The following TMPRSS15 variants were observed in gnomAD, a reference collection of about 807,000 sequenced individuals.
TMPRSS15 encodes the protein transmembrane serine protease 15.
In TMPRSS15, 128 loss-of-function variants were observed where a neutral mutation model predicts 125.3. That is an observed-to-expected ratio of 1.02 (90% CI 0.89 to 1.18). The LOEUF (loss-of-function observed/expected upper bound fraction) is 1.18, where lower values mean the gene tolerates loss of function less well. Among genes scored for constraint, TMPRSS15 ranks in the 50% most tolerant of loss-of-function variants. The pLI, the probability that TMPRSS15 is intolerant of heterozygous loss-of-function variation, is 0.00. For missense variants in TMPRSS15, 1,283 were observed against 1,212.7 expected, an observed-to-expected ratio of 1.06 and a Z score of -0.86; for synonymous variants, 446 against 423.2, an observed-to-expected ratio of 1.05 and a Z score of -0.66.
intron 1 of TMPRSS15, among the ~76,000 whole-genome samples, chr21:18,456,760 G>A (rs561683567): frequency 2.0e-5 from 3 of 151,990 alleles, no homozygotes; most frequent in African/African-American, 7.2e-5. Flanking sequence ...GCATACACTT[G>A]GAATAAATGT....
At position 18,394,666 on chromosome 21, in the gene TMPRSS15, C is replaced by T. The variant is rs576667923; in HGVS notation, c.344+3213G>A. On this transcript the variant is annotated intron_variant, in intron 3 of 24. Coordinates refer to ENST00000284885, the MANE Select transcript of TMPRSS15 (RefSeq NM_002772.3). ...GATACTGTAGACTCTACCTCATTTTCAGCTTGCCTCCAGTTTTTACTAAAA... is the reference window on the plus strand; with the variant it reads ...GATACTGTAGACTCTACCTCATTTTTAGCTTGCCTCCAGTTTTTACTAAAA... Among the ~76,000 whole-genome samples the T allele has an allele frequency of 2.5e-4, 38 of 151,272 alleles. No homozygotes were observed. The South Asian group carries it at 7.3e-3, about 29-fold the overall frequency.
At chr21:18,282,583 T>A (rs1158699206) in intron 21 of TMPRSS15, among the ~76,000 whole-genome samples, 1 of 152,182 alleles carries the variant, frequency 6.6e-6, no homozygotes, top group Non-Finnish European at 1.5e-5. Context: ...GTAAAGCCAG[T>A]GAGCGTCCAA....
intron 1 of TMPRSS15, among the ~76,000 whole-genome samples, chr21:18,484,606 T>C (rs1405538355): frequency 6.6e-6 from 1 of 151,860 alleles, no homozygotes; most frequent in Non-Finnish European, 1.5e-5. Context: ...AGCATACTTT[T>C]ATATATGTAG....
chr21:18,393,857 T>C (rs1223778075), intron 3 of TMPRSS15, among the ~76,000 whole-genome samples: 1 of 152,144 alleles, frequency 6.6e-6, no homozygotes, highest in Non-Finnish European at 1.5e-5. Flanking sequence ...AGAAAACCAG[T>C]TCTAAATATA....
chr21:18,342,598 T>C (rs947753622), intron 12 of TMPRSS15, among the ~76,000 whole-genome samples: 1 of 152,124 alleles, frequency 6.6e-6, no homozygotes, highest in Non-Finnish European at 1.5e-5. Flanking sequence ...AATACTGACT[T>C]CCCCTTCTGC....
chr21:18,373,836 G>A (rs1318297452), intron 5 of TMPRSS15, among the ~76,000 whole-genome samples: 1 of 152,150 alleles, frequency 6.6e-6, no homozygotes, highest in Non-Finnish European at 1.5e-5. Context: ...GGACTTGACT[G>A]ATCTCATGAT....
intron 13 of TMPRSS15, among the ~76,000 whole-genome samples, chr21:18,334,031 T>G (rs182551873): frequency 3.0e-4 from 45 of 152,310 alleles, no homozygotes; most frequent in African/African-American, 1.0e-3. Flanking sequence ...TTACCCCCAA[T>G]AAACTAGAAA....
At chr21:18,453,461 C>A (rs1275272840) in intron 1 of TMPRSS15, among the ~76,000 whole-genome samples, 2 of 152,158 alleles carry the variant, frequency 1.3e-5, no homozygotes, top group Non-Finnish European at 2.9e-5. Context: ...TTAAGGCTTG[C>A]CTGATTATGG....
Position 18,326,501 on chromosome 21 carries a change from T to C in TMPRSS15, c.1852A>G (p.Thr618Ala), listed in dbSNP as rs1403383830. 7 of 1,614,150 alleles carry C rather than the reference T, an allele frequency of 4.3e-6. No individual in the cohort carries two copies. The highest frequency in any genetic ancestry group is 1.1e-5 in the South Asian group (1 of 91,086). ...CCTCCTCTTGCCAACACATCGTTAGTGATGAGAAGCACAGTCATTCTGTTG... is the reference window on the plus strand; with the variant it reads ...CCTCCTCTTGCCAACACATCGTTAGCGATGAGAAGCACAGTCATTCTGTTG... ...TTNRMTVLLI[T>A]NDVLARGGFK... The change falls in exon 16 of 25, where the codon ACT becomes GCT. Residue 618 changes from threonine (T) to alanine (A), a missense_variant. Physicochemically the swap from Thr to Ala is moderately conservative, Grantham distance 58 (BLOSUM62 0). Coordinates refer to ENST00000284885, the MANE Select transcript of TMPRSS15 (RefSeq NM_002772.3).
chr21:18,485,540 T>C (rs1023333641), intron 1 of TMPRSS15, among the ~76,000 whole-genome samples: 1 of 152,070 alleles, frequency 6.6e-6, no homozygotes, highest in Admixed American at 6.6e-5. Context: ...TTGTTTCTAA[T>C]CATGTATAGT....
At chr21:18,344,288 A>T (rs1569021950) in intron 10 of TMPRSS15, among the ~76,000 whole-genome samples, 1 of 152,162 alleles carries the variant, frequency 6.6e-6, no homozygotes, top group East Asian at 1.9e-4. Flanking sequence ...TTTATTAAAC[A>T]AGAGTCTTGA....
At chr21:18,294,216 C>G in intron 21 of TMPRSS15, 54 bp downstream of exon 21, 1 of 1,606,602 alleles carries the variant, frequency 6.2e-7, no homozygotes, top group East Asian at 2.2e-5. Flanking sequence ...GGACGCTTGG[C>G]AGTGTCTGCT....
Position 18,397,557 on chromosome 21 carries a change from T to C in TMPRSS15, c.344+322A>G, listed in dbSNP as rs191442837. Among the ~76,000 whole-genome samples the C allele has an allele frequency of 8.0e-4, 122 of 152,270 alleles. 2 individuals are homozygous for C. In the East Asian group the frequency reaches 0.02, roughly 25 times the overall value. On this transcript the variant is annotated intron_variant, in intron 3 of 24. Transcript: ENST00000284885. ...TAAATGAAGCAGGGTGATACAATAT[T>C]ATTTTATTAAATGACAAGCAAGCTT...
chr21:18,482,176 A>G (rs528961489), intron 1 of TMPRSS15, among the ~76,000 whole-genome samples: 2 of 151,460 alleles, frequency 1.3e-5, no homozygotes, highest in African/African-American at 4.8e-5. Flanking sequence ...AACTTAAATT[A>G]TAATATAAAT....
intron 7 of TMPRSS15, among the ~76,000 whole-genome samples, chr21:18,361,998 T>C (rs957361404): frequency 6.6e-6 from 1 of 152,080 alleles, no homozygotes; most frequent in Non-Finnish European, 1.5e-5. Flanking sequence ...AGGGCGATTA[T>C]GATGAGCTCT....
upstream of TMPRSS15, among the ~76,000 whole-genome samples, chr21:18,403,998 G>C (rs1003233911): frequency 1.3e-5 from 2 of 152,146 alleles, no homozygotes; most frequent in Middle Eastern, 3.2e-3. Context: ...AGACAAATTA[G>C]TCACTAGGCA....
At chr21:18,376,722 A>C (rs2075847962) in intron 5 of TMPRSS15, among the ~76,000 whole-genome samples, 1 of 152,072 alleles carries the variant, frequency 6.6e-6, no homozygotes, top group Admixed American at 6.6e-5. Context: ...ACGCTGTAGC[A>C]CTCCAGAAAT....
intron 1 of TMPRSS15, among the ~76,000 whole-genome samples, chr21:18,437,342 T>G (rs1173763309): frequency 6.6e-6 from 1 of 152,116 alleles, no homozygotes; most frequent in Non-Finnish European, 1.5e-5. Context: ...GATTAAAGAC[T>G]TAAACGTTAG....
At chr21:18,476,801 T>C (rs763528090) in intron 1 of TMPRSS15, among the ~76,000 whole-genome samples, 1 of 152,146 alleles carries the variant, frequency 6.6e-6, no homozygotes, top group Non-Finnish European at 1.5e-5. Flanking sequence ...TAAAGTAGCA[T>C]AGTACTTGAC....
Sources: gnomAD v4.1 joint callset for allele counts (sites outside exome capture counted in the v4.1 genomes callset) on GRCh38, gnomAD v4.1.1 for gene constraint, MANE v1.5 for transcripts, NCBI Gene and HGNC (gene_info 2026-07-23, HGNC 2026-07-21) for gene names.